The following FANCI variants were observed in gnomAD, a reference collection of about 807,000 sequenced individuals.
FANCI encodes Fanconi anemia group I protein.
A neutral mutation model predicts 176.1 loss-of-function variants in FANCI; 156 were observed. That is an observed-to-expected ratio of 0.89 (90% CI 0.78 to 1.01). The LOEUF is 1.01. Ranked by LOEUF, FANCI falls within the 50% of genes least tolerant of loss-of-function variation. The probability of loss-of-function intolerance (pLI) is 0.00; values close to 1 mark genes in which losing one functional copy is unlikely to be tolerated. For missense variants in FANCI, 1,678 were observed against 1,534.1 expected, an observed-to-expected ratio of 1.09 and a Z score of -1.57; for synonymous variants, 613 against 541.7, an observed-to-expected ratio of 1.13 and a Z score of -1.83.
At chr15:89,299,260 C>G (rs2054438485) in intron 24 of FANCI, among the ~76,000 whole-genome samples, 1 of 151,854 alleles carries the variant, frequency 6.6e-6, no homozygotes, top group African/African-American at 2.4e-5. Flanking sequence ...ATTTGTGGTT[C>G]AAACTTTTTT....
rs1314039198 is a variant in FANCI at position 89,316,879 on chromosome 15, G to C, written c.*420G>C. 7.6e-7 allele frequency: 1 copy of C among 1,312,694 alleles called. No homozygotes were observed. The highest frequency in any genetic ancestry group is 1.1e-6 in the Non-Finnish European group (1 of 904,622). 81.3% of individuals were successfully genotyped at this position (1,312,694 alleles called of 1,614,324 possible). A position where few individuals can be genotyped will look rare whatever the true frequency, so the allele number is the denominator to read the frequency against. On this transcript the variant is annotated 3_prime_UTR_variant, in exon 38 of 38. Transcript: ENST00000310775. ...ATGCCACCTCAAGAACTGTAACTGA[G>C]AGCTCAGAAGTGAGCAAAGGAGCTT... is the stretch of plus-strand genomic sequence containing the variant.
chr15:89,317,155 C>T (rs1018230135), downstream of FANCI: 1 of 606,356 alleles, frequency 1.6e-6, no homozygotes, highest in Non-Finnish European at 2.9e-6. Context: ...AAGTAGGGGA[C>T]AGGTACAGGT....
At chr15:89,275,628 C>A (rs138060983) in intron 12 of FANCI, among the ~76,000 whole-genome samples, 8 of 152,058 alleles carry the variant, frequency 5.3e-5, no homozygotes, top group African/African-American at 1.7e-4. Flanking sequence ...GCTTTTTAAT[C>A]TTTGTATCTC....
At chr15:89,307,852 T>C (rs1207200708) in intron 34 of FANCI, 180 bp downstream of exon 34, 8 of 1,473,134 alleles carry the variant, frequency 5.4e-6, no homozygotes, top group South Asian at 2.8e-5. Flanking sequence ...GACATCTTTA[T>C]GTAAAGAAAA....
intron 34 of FANCI, 89 bp from the exon 35 acceptor site, chr15:89,312,815 T>G (rs2055020617): frequency 1.1e-6 from 1 of 893,730 alleles, no homozygotes; most frequent in African/African-American, 2.5e-5. Context: ...AAGCTCTGTC[T>G]TAAAAAAAAA....
At position 89,285,105 on chromosome 15, in the gene FANCI, G is replaced by A. The variant is rs2053765523; in HGVS notation, c.1708G>A (p.Asp570Asn). 4 of 1,614,060 alleles carry A rather than the reference G, an allele frequency of 2.5e-6. No homozygotes were observed. The East Asian group carries it at 6.7e-5, about 27-fold the overall frequency. ...QSLSVSQVHV[D>N]VHSHYNSVAN... ...CCTGTCTTCCTTTCAGGTTCATGTG[G>A]ATGTTCACAGCCATTACAATTCTGT... Residue 570 changes from aspartate to asparagine, a missense_variant, in exon 18 of 38, where the codon GAT becomes AAT. Physicochemically the swap from Asp to Asn is conservative, Grantham distance 23 (BLOSUM62 1). Transcript: ENST00000310775.
At chr15:89,284,594 G>A (rs2151602224) in intron 17 of FANCI, among the ~76,000 whole-genome samples, 1 of 152,294 alleles carries the variant, frequency 6.6e-6, no homozygotes, top group East Asian at 1.9e-4. Flanking sequence ...TGTGATGCCT[G>A]GAGTAAGGAT....
At chr15:89,316,253 T>G (rs2055250964) in intron 37 of FANCI, 144 bp from the exon 38 acceptor site, 2 of 817,724 alleles carry the variant, frequency 2.4e-6, no homozygotes, top group Non-Finnish European at 4.1e-6. Flanking sequence ...AACAACATAA[T>G]TACCTCCTGT....
At position 89,316,718 on chromosome 15, in the gene FANCI, C is replaced by A. The variant is rs746044371; in HGVS notation, c.*259C>A. ...GAGCCTGCACCACCCCGATGAAGCT[C>A]CACGGGAGCAAATACAGAGCCTCCA... is the stretch of plus-strand genomic sequence containing the variant. On this transcript the variant is annotated 3_prime_UTR_variant, in exon 38 of 38. Coordinates refer to ENST00000310775, the MANE Select transcript of FANCI (RefSeq NM_001113378.2). The A allele has an allele frequency of 1.3e-6, 2 of 1,565,530 alleles. No individual in the cohort carries two copies. Among genetic ancestry groups the A allele is most frequent in the Non-Finnish European group, 1.8e-6 (2 of 1,135,782 alleles).
chr15:89,290,238 A>C lies in FANCI; in HGVS notation c.1847A>C (p.Asn616Thr). 6.2e-7 allele frequency: 1 copy of C among 1,613,766 alleles called. No individual in the cohort carries two copies. Among genetic ancestry groups the C allele is most frequent in the South Asian group, 1.1e-5 (1 of 91,072 alleles). Residue 616 changes from asparagine to threonine, a missense_variant, in exon 19 of 38, where the codon AAC becomes ACC. Coordinates refer to ENST00000310775, the MANE Select transcript of FANCI (RefSeq NM_001113378.2). ...YEGFYDVLRR[N>T]SQLANSVMQT... ...GGGTTTTATGATGTTCTTCGAAGGAACTCTCAGCTGGCTAATTCAGTCATG... is the reference window on the plus strand; with the variant it reads ...GGGTTTTATGATGTTCTTCGAAGGACCTCTCAGCTGGCTAATTCAGTCATG...
chr15:89,270,967 A>G (rs2151408401), intron 10 of FANCI, among the ~76,000 whole-genome samples: 1 of 152,194 alleles, frequency 6.6e-6, no homozygotes, highest in South Asian at 2.1e-4. Context: ...TCTTCTCTGT[A>G]TCTGTTCACT....
chr15:89,307,863 CTG>C (rs1176782717), intron 34 of FANCI, 191 bp downstream of exon 34: 11 of 1,460,554 alleles, frequency 7.5e-6, no homozygotes, highest in Admixed American at 2.7e-5. Context: ...GTAAAGAAAA[CTG>C]TTTCACTTAA....
In FANCI at chr15:89,294,994, G is replaced by A. The variant is rs2151755196; in HGVS notation, c.2536G>A (p.Ala846Thr). 3.2e-6 allele frequency: 5 copies of A among 1,552,274 alleles called. No individual in the cohort carries two copies. The highest frequency in any genetic ancestry group is 4.4e-6 in the Non-Finnish European group (5 of 1,147,122). ...NEFMRYAVNV[A>T]LQKVQQLKET... is the part of the protein sequence containing the mutation. ...GTTTATGCGCTATGCAGTGAATGTA[G>A]CTCTGCAGAAAGTACAGCAGCTAAA... The change falls in exon 24 of 38, where the codon GCT becomes ACT. Residue 846 changes from alanine to threonine, a missense_variant. Ala to Thr is a moderately conservative substitution (Grantham distance 58). Around this residue, in one of 3 missense-constraint regions of FANCI, gnomAD observed 1,204 missense variants for 1,077.4 expected, o/e 1.12. Coordinates refer to ENST00000310775, the MANE Select transcript of FANCI (RefSeq NM_001113378.2).
intron 9 of FANCI, among the ~76,000 whole-genome samples, chr15:89,265,944 CAAAG>C (rs1420906420): frequency 1.3e-5 from 2 of 151,146 alleles, no homozygotes; most frequent in Non-Finnish European, 3.0e-5. Context: ...AATCGAGAGA[CAAAG>C]AATTTAGTTA....
chr15:89,258,668 G>A (rs748062647), intron 2 of FANCI, 36 bp from the exon 3 acceptor site: 63 of 1,525,492 alleles, frequency 4.1e-5, no homozygotes, highest in Non-Finnish European at 5.6e-5. Flanking sequence ...GTAAAAGACT[G>A]TTGCCAGAGA....
intron 35 of FANCI, 50 bp from the exon 36 acceptor site, chr15:89,314,562 T>C: frequency 7.0e-7 from 1 of 1,428,206 alleles, no homozygotes; most frequent in Non-Finnish European, 9.9e-7. Context: ...AGAGGAAAAC[T>C]TCAAAAACCA....
chr15:89,247,674 A>T lies in FANCI; in HGVS notation c.27A>T (p.Ala9=). Residue 9 remains alanine, a synonymous_variant, in exon 2 of 38, where the codon GCA becomes GCT. Coordinates refer to ENST00000310775, the MANE Select transcript of FANCI (RefSeq NM_001113378.2). Reference sequence around the variant, plus strand: ...TGGACCAGAAGATTTTATCTCTAGCAGCAGAAAAAACAGCAGACAAACTGC... The same window carrying T: ...TGGACCAGAAGATTTTATCTCTAGCTGCAGAAAAAACAGCAGACAAACTGC... MDQKILSL[A]AEKTADKLQE... 1.9e-6 allele frequency: 3 copies of T among 1,614,076 alleles called. No individual in the cohort carries two copies. The African/African-American group carries it at 4.0e-5, about 22-fold the overall frequency.
chr15:89,277,620 A>G (rs980503661), intron 13 of FANCI, among the ~76,000 whole-genome samples: 1 of 145,334 alleles, frequency 6.9e-6, no homozygotes, highest in African/African-American at 2.4e-5. Context: ...TCAAAAAAAA[A>G]AAAAAAAAAA....
chr15:89,274,511 C>T (rs1441542266), intron 12 of FANCI, among the ~76,000 whole-genome samples: 1 of 151,798 alleles, frequency 6.6e-6, no homozygotes, highest in Non-Finnish European at 1.5e-5. Context: ...GTTTCTTGGC[C>T]ACCTTGACAG....
Sources: gnomAD v4.1 joint callset for allele counts (sites outside exome capture counted in the v4.1 genomes callset) on GRCh38, gnomAD v4.1.1 for gene constraint, gnomAD v4.1.1 regional missense constraint, MANE v1.5 for transcripts, NCBI Gene and HGNC (gene_info 2026-07-23, HGNC 2026-07-21) for gene names.